CELF6: variants seen among roughly 807,000 people sequenced by gnomAD.
CELF6 encodes Bruno -like 6, RNA binding protein.
In CELF6, 32 loss-of-function variants were observed where a neutral mutation model predicts 53.1. The ratio of observed to expected loss-of-function variants is 0.60; its 90% confidence interval spans 0.46 to 0.81. The LOEUF (loss-of-function observed/expected upper bound fraction) is 0.81. Ranked by LOEUF, CELF6 falls within the 30% of genes least tolerant of loss-of-function variation. The pLI, the probability that CELF6 is intolerant of heterozygous loss-of-function variation, is 0.00. For synonymous variants in CELF6, 291 were observed against 288.8 expected (o/e 1.01, Z -0.08); for missense variants, 539 against 669.5 (o/e 0.81, Z 2.15).
At chr15:72,304,614 GCA>G in intron 3 of CELF6, 130 bp downstream of exon 3, 1 of 763,106 alleles carries the variant, frequency 1.3e-6, no homozygotes, top group Non-Finnish European at 2.2e-6. Context: ...CTGGGGCTCA[GCA>G]ACTCTGAGCC....
In CELF6 at chr15:72,289,061, G is replaced by T. The variant is rs960580019; in HGVS notation, c.1030+77C>A. 42 of 1,318,838 alleles carry T rather than the reference G, an allele frequency of 3.2e-5. No homozygotes were observed. In the African/African-American group the frequency reaches 5.7e-4, roughly 18 times the overall value. The allele number at this position is 1,318,838 out of a possible 1,614,324, so 81.7% of individuals were successfully genotyped here. A position where few individuals can be genotyped will look rare whatever the true frequency, so the allele number is the denominator to read the frequency against. On this transcript the variant is annotated intron_variant, in intron 8 of 12. Coordinates refer to ENST00000287202, the MANE Select transcript of CELF6 (RefSeq NM_052840.5). This position sits in a 1 kb window ranked among gnomAD's most constrained non-coding sequence, Gnocchi z 7.6. ...AGGGAAGGAGGGGGATCTCTTCCCA[G>T]GGAAGCCAGGCCCTAACCCCCCACC...
chr15:72,288,528 A>G lies in CELF6; in HGVS notation c.1174+10T>C. The G allele has an allele frequency of 6.2e-7, 1 of 1,610,334 alleles. No homozygotes were observed. The highest frequency in any genetic ancestry group is 1.1e-5 in the South Asian group (1 of 90,726). ...CACCAGGTTCTGCTGTCCAGCCCCC[A>G]GTCCCTCACCTTCTCTCTGCTGCTG... On this transcript the variant is annotated intron_variant, in intron 10 of 12. Coordinates refer to ENST00000287202, the MANE Select transcript of CELF6 (RefSeq NM_052840.5). The surrounding 1 kb of genome is among the most constrained non-coding windows in gnomAD (Gnocchi z 4.6).
chr15:72,289,709 C>A lies in CELF6; in HGVS notation c.665G>T (p.Arg222Leu). 1 of 1,481,820 alleles carries A rather than the reference C, an allele frequency of 6.7e-7. No homozygotes were observed. Among genetic ancestry groups the A allele is most frequent in the Non-Finnish European group, 8.9e-7 (1 of 1,125,666 alleles). 91.8% of individuals were successfully genotyped at this position (1,481,820 alleles called of 1,614,324 possible). ...CAGGTGGCCGGCCATCTGCTGCATC[C>A]GCCGCAGCGCGCGCTCCCGGTCGGT... ...ADTDRERALR[R>L]MQQMAGHLGA... Residue 222 changes from arginine to leucine, a missense_variant, in exon 6 of 13, where the codon CGG (arginine) becomes CTG (leucine). Arg to Leu is a moderately radical substitution (Grantham distance 102). This residue lies in a region of CELF6 where 358 missense variants were observed against 412.8 expected (regional missense o/e 0.87). Transcript: ENST00000287202. The surrounding 1 kb of genome is among the most constrained non-coding windows in gnomAD (Gnocchi z 7.6).
Position 72,289,957 on chromosome 15 carries a change from G to T in CELF6, c.585C>A (p.His195Gln). The T allele has an allele frequency of 6.3e-7, 1 of 1,575,804 alleles. No individual in the cohort carries two copies. The highest frequency in any genetic ancestry group is 8.6e-7 in the Non-Finnish European group (1 of 1,161,554). Residue 195 changes from histidine (H) to glutamine (Q), a missense_variant, in exon 5 of 13, where the codon CAC (histidine) becomes CAA (glutamine). His to Gln is a conservative substitution (Grantham distance 24). Transcript: ENST00000287202. The surrounding 1 kb of genome is among the most constrained non-coding windows in gnomAD (Gnocchi z 7.6). ...GEAQAAIRGL[H>Q]GSRTMAGASS... ...CCCTCACCGCCATGGTCCGGCTGCC[G>T]TGCAGACCCCGGATGGCCGCCTGAG...
Position 72,289,066 on chromosome 15 carries a change from G to T in CELF6, c.1030+72C>A. Reference sequence around the variant, plus strand: ...AGGAGGGGGATCTCTTCCCAGGGAAGCCAGGCCCTAACCCCCCACCCCCCG... The same window carrying T: ...AGGAGGGGGATCTCTTCCCAGGGAATCCAGGCCCTAACCCCCCACCCCCCG... On this transcript the variant is annotated intron_variant, in intron 8 of 12. Transcript: ENST00000287202. The surrounding 1 kb of genome is among the most constrained non-coding windows in gnomAD (Gnocchi z 7.6). 7.5e-7 allele frequency: 1 copy of T among 1,334,596 alleles called. No individual in the cohort carries two copies. Among genetic ancestry groups the T allele is most frequent in the Non-Finnish European group, 1.0e-6 (1 of 986,172 alleles). The allele number at this position is 1,334,596 out of a possible 1,614,324, so 82.7% of individuals were successfully genotyped here.
At chr15:72,305,975 G>A (rs1045813767) in intron 2 of CELF6, among the ~76,000 whole-genome samples, 1 of 151,736 alleles carries the variant, frequency 6.6e-6, no homozygotes, top group Non-Finnish European at 1.5e-5. Flanking sequence ...TTTAATTCAG[G>A]GGTTCCTGAG....
At chr15:72,296,507 T>G (rs1050028023) in intron 3 of CELF6, among the ~76,000 whole-genome samples, 1 of 152,106 alleles carries the variant, frequency 6.6e-6, no homozygotes, top group Admixed American at 6.6e-5. Flanking sequence ...GGAGAACACA[T>G]TTGCAAACAA....
chr15:72,289,660 C>G lies in CELF6; in HGVS notation c.714G>C (p.Leu238=). The G allele has an allele frequency of 6.7e-7, 1 of 1,501,180 alleles. No homozygotes were observed. The highest frequency in any genetic ancestry group is 1.4e-5 in the African/African-American group (1 of 69,486). 93.0% of individuals were successfully genotyped at this position (1,501,180 alleles called of 1,614,324 possible). A position where few individuals can be genotyped will look rare whatever the true frequency, so the allele number is the denominator to read the frequency against. Residue 238 remains leucine (L), a synonymous_variant, in exon 6 of 13, where the codon CTG becomes CTC. Coordinates refer to ENST00000287202, the MANE Select transcript of CELF6 (RefSeq NM_052840.5). The surrounding 1 kb of genome is among the most constrained non-coding windows in gnomAD (Gnocchi z 7.6). The stretch of plus-strand genomic sequence containing the variant: ...TGTAGGCGCCGCAGGCCCCTAGCGG[C>G]AGTGGCGCGGGGTGGAAGGCGCCCA... ...GHLGAFHPAP[L]PLGACGAYTT...
chr15:72,316,071 C>T, intron 1 of CELF6, 144 bp from the exon 2 acceptor site: 1 of 598,074 alleles, frequency 1.7e-6, no homozygotes, highest in African/African-American at 1.9e-5. Context: ...TGCCTCCCAC[C>T]TCTGGAGGGA....
chr15:72,314,867 T>C (rs1425736838), intron 2 of CELF6, among the ~76,000 whole-genome samples: 1 of 152,190 alleles, frequency 6.6e-6, no homozygotes. Context: ...AGTGCTAGGA[T>C]TACAGGCGTG....
At position 72,319,778 on chromosome 15, in the gene CELF6, T is replaced by G. The variant is rs753545697; in HGVS notation, c.97A>C (p.Asn33His). 1 of 1,576,196 alleles carries G rather than the reference T, an allele frequency of 6.3e-7. No individual in the cohort carries two copies. The highest frequency in any genetic ancestry group is 1.4e-5 in the African/African-American group (1 of 74,032). The change falls in exon 1 of 13, where the codon AAC (asparagine) becomes CAC (histidine). Residue 33 changes from asparagine (N) to histidine (H), a missense_variant. Around this residue, in one of 3 missense-constraint regions of CELF6, gnomAD observed 84 missense variants for 87.9 expected, o/e 0.96. Coordinates refer to ENST00000287202, the MANE Select transcript of CELF6 (RefSeq NM_052840.5). The surrounding 1 kb of genome is among the most constrained non-coding windows in gnomAD (Gnocchi z 5.0). Reference sequence around the variant, plus strand: ...TTCATGGGTACGGCGGGACCGGGGTTTAGCCCGCTCATGCCGACGCCGCTG... The same window carrying G: ...TTCATGGGTACGGCGGGACCGGGGTGTAGCCCGCTCATGCCGACGCCGCTG... ...ADSGVGMSGL[N>H]PGPAVPMKDH...
intron 3 of CELF6, among the ~76,000 whole-genome samples, chr15:72,300,513 G>A (rs1450783765): frequency 1.3e-5 from 2 of 152,160 alleles, no homozygotes; most frequent in Non-Finnish European, 2.9e-5. Flanking sequence ...CAAAAGTCAA[G>A]TGACAGAAGA....
chr15:72,314,601 T>G (rs182729592), intron 2 of CELF6, among the ~76,000 whole-genome samples: 7 of 145,598 alleles, frequency 4.8e-5, no homozygotes, highest in East Asian at 2.0e-4. Context: ...TTTTTTTTTT[T>G]TTTTTTTTTT....
At chr15:72,312,182 G>A (rs531766278) in intron 2 of CELF6, among the ~76,000 whole-genome samples, 103 of 152,334 alleles carry the variant, frequency 6.8e-4, no homozygotes, top group Non-Finnish European at 1.3e-3. Context: ...TCATCAGGAA[G>A]AGGCTGCAGG....
In CELF6 at chr15:72,290,261, G is replaced by C; in HGVS notation, c.395-6C>G. On this transcript the variant is annotated splice_polypyrimidine_tract_variant and splice_region_variant and intron_variant, in intron 3 of 12. Transcript: ENST00000287202. ...CACAAACAGCTTTCGGTCCTCTGGG[G>C]ACAAAGCCAGGAATGACCTGGGGAC... 6.2e-7 allele frequency: 1 copy of C among 1,612,142 alleles called. No individual in the cohort carries two copies. Among genetic ancestry groups the C allele is most frequent in the Non-Finnish European group, 8.5e-7 (1 of 1,179,332 alleles).
rs900497724 is a variant in CELF6 at position 72,301,886 on chromosome 15, G to A, written c.394+2860C>T. Among the ~76,000 whole-genome samples the A allele has an allele frequency of 5.3e-5, 8 of 152,014 alleles. No individual in the cohort carries two copies. The East Asian group carries it at 5.8e-4, about 11-fold the overall frequency. On this transcript the variant is annotated intron_variant, in intron 3 of 12. Coordinates refer to ENST00000287202, the MANE Select transcript of CELF6 (RefSeq NM_052840.5). The stretch of plus-strand genomic sequence containing the variant: ...TGAGTAGATGGGACTACATGCGCCC[G>A]CCACCACACCTGGCTAATTATTGTA...
At chr15:72,318,445 T>C (rs2088388042) in intron 1 of CELF6, among the ~76,000 whole-genome samples, 1 of 152,192 alleles carries the variant, frequency 6.6e-6, no homozygotes, top group South Asian at 2.1e-4. Flanking sequence ...TTGGTGACTC[T>C]TTCCCAGCAA....
At chr15:72,309,176 G>A (rs1183411715) in intron 2 of CELF6, among the ~76,000 whole-genome samples, 1 of 152,156 alleles carries the variant, frequency 6.6e-6, no homozygotes, top group Non-Finnish European at 1.5e-5. Flanking sequence ...TCCTTTCAAA[G>A]TGCTGGGATT....
chr15:72,309,824 C>G (rs2088273835), intron 2 of CELF6, among the ~76,000 whole-genome samples: 1 of 152,208 alleles, frequency 6.6e-6, no homozygotes, highest in African/African-American at 2.4e-5. Flanking sequence ...CCTGGGACTT[C>G]AGGTGAGCTC....
Sources: allele counts gnomAD v4.1 joint callset (sites outside exome capture counted in the v4.1 genomes callset), GRCh38; gene constraint gnomAD v4.1.1; regional missense constraint gnomAD v4.1.1; non-coding constraint Gnocchi (gnomAD v3.1); transcripts MANE v1.5; gene names NCBI Gene and HGNC (gene_info 2026-07-23, HGNC 2026-07-21).